HOOK3: variants seen among roughly 807,000 people sequenced by gnomAD.
The protein encoded by HOOK3 is protein Hook homolog 3.
A neutral mutation model predicts 116.3 loss-of-function variants in HOOK3; 24 were observed. That is an observed-to-expected ratio of 0.21 (90% CI 0.15 to 0.29). The LOEUF (loss-of-function observed/expected upper bound fraction) is 0.29. Among genes scored for constraint, HOOK3 ranks in the 10% least tolerant of loss-of-function variants. The pLI, the probability that HOOK3 is intolerant of heterozygous loss-of-function variation, is 1.00. For synonymous variants in HOOK3, 275 were observed against 283.0 expected, an observed-to-expected ratio of 0.97 and a Z score of 0.28; for missense variants, 632 against 830.2, an observed-to-expected ratio of 0.76 and a Z score of 2.93.
At chr8:42,972,639 A>T (rs927167026) in intron 11 of HOOK3, among the ~76,000 whole-genome samples, 1 of 152,170 alleles carries the variant, frequency 6.6e-6, no homozygotes, top group African/African-American at 2.4e-5. Flanking sequence ...GGTTCAAGCC[A>T]TCCTCCCACC....
intron 1 of HOOK3, among the ~76,000 whole-genome samples, chr8:42,901,804 T>G (rs1406330047): frequency 6.6e-6 from 1 of 151,650 alleles, no homozygotes; most frequent in Non-Finnish European, 1.5e-5. Flanking sequence ...CTCCACCTCC[T>G]GGGTTCAAGC....
rs903991615 is a variant in HOOK3, at chr8:42,959,237, A to G, written c.538A>G (p.Lys180Glu). 1.2e-6 allele frequency: 2 copies of G among 1,610,888 alleles called. No individual in the cohort carries two copies. The highest frequency in any genetic ancestry group is 1.7e-6 in the Non-Finnish European group (2 of 1,177,750). ...AYVDLDRQLK[K>E]TTEELNEALS... ...TCTCTTTGTTTCTAACCAGCTGAAG[A>G]AAACTACAGAGGAACTAAATGAAGC... Residue 180 changes from lysine (K) to glutamate (E), a missense_variant, in exon 8 of 22, where the codon AAA becomes GAA. Physicochemically the swap from Lys to Glu is moderately conservative, Grantham distance 56. Coordinates refer to ENST00000307602, the MANE Select transcript of HOOK3 (RefSeq NM_032410.4).
Position 43,024,208 on chromosome 8 carries a change from T to C in HOOK3, c.*5710T>C, listed in dbSNP as rs1416483652. ...TGAAGACAAAGTGCTTTTTGTTGTCTATTCATGAAACTGTAGAAGAATATT... is the reference window on the plus strand; with the variant it reads ...TGAAGACAAAGTGCTTTTTGTTGTCCATTCATGAAACTGTAGAAGAATATT... On this transcript the variant is annotated 3_prime_UTR_variant, in exon 22 of 22. Transcript: ENST00000307602. The C allele has an allele frequency of 4.9e-6, 1 of 202,920 alleles. No individual in the cohort carries two copies. Among genetic ancestry groups the C allele is most frequent in the Non-Finnish European group, 1.0e-5 (1 of 98,898 alleles). The allele number at this position is 202,920 out of a possible 1,614,324, so 12.6% of individuals were successfully genotyped here.
chr8:43,000,385 G>A (rs900855837), intron 16 of HOOK3: 7 of 555,810 alleles, frequency 1.3e-5, no homozygotes, highest in African/African-American at 2.0e-5. Context: ...TGTGCAAAAC[G>A]AATATCTGGA....
At chr8:42,939,670 C>G (rs1356998462) in intron 4 of HOOK3, among the ~76,000 whole-genome samples, 1 of 151,228 alleles carries the variant, frequency 6.6e-6, no homozygotes, top group Non-Finnish European at 1.5e-5. Context: ...GGCAGAGACG[C>G]TCCTCACTCC....
Position 43,023,387 on chromosome 8 carries a change from CTCCTTCCTTCCTTCCTTCCT to C in HOOK3, c.*4905_*4924del. 1 of 146,126 alleles carries C rather than the reference CTCCTTCCTTCCTTCCTTCCT, an allele frequency of 6.8e-6. No individual in the cohort carries two copies. Among genetic ancestry groups the C allele is most frequent in the Middle Eastern group, 3.0e-3 (1 of 330 alleles). The allele number at this position is 146,126 out of a possible 1,614,324, so 9.1% of individuals were successfully genotyped here. ...CCACTTTGCTATCTCTCCTTCCTTC[CTCCTTCCTTCCTTCCTTCCT>C]TCCTTCCTTCCTTCCCTTCTTTTCT... is the stretch of plus-strand genomic sequence containing the variant. On this transcript the variant is annotated 3_prime_UTR_variant, in exon 22 of 22. Transcript: ENST00000307602.
chr8:43,001,627 T>C (rs1809382772), intron 16 of HOOK3, among the ~76,000 whole-genome samples: 2 of 152,002 alleles, frequency 1.3e-5, no homozygotes, highest in Admixed American at 6.6e-5. Flanking sequence ...CACATTCCCA[T>C]ACCACTGCAT....
At chr8:43,017,190 CTG>C (rs1259783714) in intron 21 of HOOK3, among the ~76,000 whole-genome samples, 1 of 152,204 alleles carries the variant, frequency 6.6e-6, no homozygotes, top group African/African-American at 2.4e-5. Context: ...CTGCCAGCTT[CTG>C]CTTATGCCCA....
intron 15 of HOOK3, 101 bp from the exon 16 acceptor site, chr8:42,997,449 C>T: frequency 1.5e-6 from 1 of 681,568 alleles, no homozygotes; most frequent in South Asian, 1.9e-5. Context: ...TAACATGAGA[C>T]TTGATTTTGC....
intron 6 of HOOK3, among the ~76,000 whole-genome samples, chr8:42,951,604 A>C (rs963911353): frequency 1.1e-4 from 16 of 152,248 alleles, no homozygotes; most frequent in African/African-American, 3.4e-4. Flanking sequence ...TAAGAGAAAT[A>C]GAAAAGCGTA....
intron 2 of HOOK3, among the ~76,000 whole-genome samples, chr8:42,911,441 ACT>A (rs1807427146): frequency 6.6e-6 from 1 of 152,082 alleles, no homozygotes; most frequent in Non-Finnish European, 1.5e-5. Context: ...ACAGAGTGAG[ACT>A]CTGTCTCAAA....
In HOOK3 at chr8:43,024,798, A is replaced by G. The variant is rs1809902360; in HGVS notation, c.*6300A>G. ...CCCAGAAGCCTAAAAAACATAACAT[A>G]ATATGCTAACAGAGCTAATTTCCAC... On this transcript the variant is annotated 3_prime_UTR_variant, in exon 22 of 22. Coordinates refer to ENST00000307602, the MANE Select transcript of HOOK3 (RefSeq NM_032410.4). The G allele has an allele frequency of 9.8e-6, 2 of 203,438 alleles. No homozygotes were observed. The highest frequency in any genetic ancestry group is 3.8e-4 in the South Asian group (2 of 5,276). The allele number at this position is 203,438 out of a possible 1,614,324, so 12.6% of individuals were successfully genotyped here.
chr8:42,999,627 C>G (rs1234598610), intron 16 of HOOK3, among the ~76,000 whole-genome samples: 1 of 152,146 alleles, frequency 6.6e-6, no homozygotes, highest in African/African-American at 2.4e-5. Flanking sequence ...CTGCCAGCTT[C>G]TGTTATCAAA....
At position 43,024,597 on chromosome 8, in the gene HOOK3, G is replaced by A. The variant is rs563237054; in HGVS notation, c.*6099G>A. ...TAATGATTTGAATGTTTTATATCATGAAGTTTTTTCTATGAGGAAGGCTAT... is the reference window on the plus strand; with the variant it reads ...TAATGATTTGAATGTTTTATATCATAAAGTTTTTTCTATGAGGAAGGCTAT... On this transcript the variant is annotated 3_prime_UTR_variant, in exon 22 of 22. Transcript: ENST00000307602. The A allele has an allele frequency of 1.6e-5, 3 of 185,138 alleles. No homozygotes were observed. In the South Asian group the frequency reaches 5.9e-4, roughly 36 times the overall value. The allele number at this position is 185,138 out of a possible 1,614,324, so 11.5% of individuals were successfully genotyped here.
intron 13 of HOOK3, among the ~76,000 whole-genome samples, chr8:42,979,017 G>A (rs979366930): frequency 6.6e-6 from 1 of 152,126 alleles, no homozygotes; most frequent in African/African-American, 2.4e-5. Flanking sequence ...TAGCACTTTG[G>A]GAGGCCAAGG....
chr8:42,907,023 G>A (rs148892658), intron 2 of HOOK3, among the ~76,000 whole-genome samples: 2 of 152,174 alleles, frequency 1.3e-5, no homozygotes, highest in Middle Eastern at 3.2e-3. Context: ...AAACATAATA[G>A]TTATGAAATT....
rs548762957 is a variant in HOOK3, at chr8:42,997,649, T to C, written c.1620+12T>C. 2.1e-6 allele frequency: 3 copies of C among 1,397,894 alleles called. No individual in the cohort carries two copies. The highest frequency in any genetic ancestry group is 1.7e-5 in the Admixed American group (1 of 59,706). 86.6% of individuals were successfully genotyped at this position (1,397,894 alleles called of 1,614,324 possible). On this transcript the variant is annotated intron_variant, in intron 16 of 21. Coordinates refer to ENST00000307602, the MANE Select transcript of HOOK3 (RefSeq NM_032410.4). The stretch of plus-strand genomic sequence containing the variant: ...CAAAAGCAGAAGATGTAAGTTTTAA[T>C]ATGTACCAACGATGGTCCATCAGTT...
At chr8:42,916,957 C>G (rs577793979) in intron 2 of HOOK3, among the ~76,000 whole-genome samples, 2 of 152,086 alleles carry the variant, frequency 1.3e-5, no homozygotes, top group Non-Finnish European at 2.9e-5. Flanking sequence ...AGTACAGACC[C>G]CACAAATTAA....
chr8:42,951,919 G>C (rs189782025), intron 6 of HOOK3, among the ~76,000 whole-genome samples: 5 of 150,928 alleles, frequency 3.3e-5, no homozygotes, highest in African/African-American at 1.2e-4. Flanking sequence ...CCAGCGTGGC[G>C]ACAGCGAGAC....
Sources: allele counts gnomAD v4.1 joint callset (sites outside exome capture counted in the v4.1 genomes callset), GRCh38; gene constraint gnomAD v4.1.1; transcripts MANE v1.5; gene names NCBI Gene and HGNC (gene_info 2026-07-23, HGNC 2026-07-21).